The following PLAUR variants were observed in gnomAD, a reference collection of about 807,000 sequenced individuals.
PLAUR encodes urokinase plasminogen activator surface receptor.
PLAUR carries 22 observed loss-of-function variants against 33.4 expected under a neutral mutation model. The ratio of observed to expected loss-of-function variants is 0.66; its 90% confidence interval spans 0.47 to 0.94. The LOEUF is 0.94. Among genes scored for constraint, PLAUR ranks in the 40% least tolerant of loss-of-function variants. The pLI is 0.00. For synonymous variants in PLAUR, 148 were observed against 167.3 expected (o/e 0.88, Z 0.89); for missense variants, 408 against 434.7 (o/e 0.94, Z 0.55).
Position 43,665,369 on chromosome 19 carries a change from G to T in PLAUR, c.257C>A (p.Thr86Asn), listed in dbSNP as rs763230958. ...CCCACACACAACCTCGGTAAGGCTG[G>T]TGATCTTCAAGCCAGTCCGATAGCT... Reference protein sequence around the residue: ...TLSYRTGLKITSLTEVVCGLD... With the variant: ...TLSYRTGLKINSLTEVVCGLD... The change falls in exon 3 of 7, where the codon ACC becomes AAC. Residue 86 changes from threonine (T) to asparagine (N), a missense_variant. Thr to Asn is a moderately conservative substitution (Grantham distance 65). Transcript: ENST00000340093. 5 of 1,613,976 alleles carry T rather than the reference G, an allele frequency of 3.1e-6. No individual in the cohort carries two copies. In the South Asian group the frequency reaches 5.5e-5, roughly 18 times the overall value.
intron 3 of PLAUR, among the ~76,000 whole-genome samples, chr19:43,664,660 C>A (rs995340333): frequency 2.6e-5 from 4 of 152,138 alleles, no homozygotes; most frequent in Non-Finnish European, 5.9e-5. Context: ...AGTCAGAGAC[C>A]ATCTATTGCA....
intron 3 of PLAUR, among the ~76,000 whole-genome samples, chr19:43,664,592 G>A (rs914840624): frequency 1.3e-5 from 2 of 152,242 alleles, no homozygotes; most frequent in African/African-American, 4.8e-5. Context: ...TTACAGGCAT[G>A]AGCCACCACA....
At chr19:43,659,155 T>C (rs4251943) in intron 3 of PLAUR, among the ~76,000 whole-genome samples, 131 of 33,920 alleles carry the variant, frequency 3.9e-3, no homozygotes, top group Admixed American at 1.0e-2. Flanking sequence ...ATTTTCCTTT[T>C]TCTTTTCTTT....
chr19:43,654,872 G>T (rs994180705), intron 5 of PLAUR, among the ~76,000 whole-genome samples: 1 of 152,164 alleles, frequency 6.6e-6, no homozygotes, highest in African/African-American at 2.4e-5. Flanking sequence ...CCAGGTGGTG[G>T]CAGTGGAGCA....
At chr19:43,667,990 C>T (rs1214254295) in intron 1 of PLAUR, 22 of 1,227,350 alleles carry the variant, frequency 1.8e-5, no homozygotes, top group Non-Finnish European at 2.3e-5. Context: ...ACAGTCGTAT[C>T]CCCGCCCTCT....
In PLAUR at chr19:43,648,634, A is replaced by C. The variant is rs1973865643; in HGVS notation, c.*256T>G. Reference sequence around the variant, plus strand: ...AAAATAAATAATATGAATATTAATTAATAACAACAACACAACAGCGGCAAC... The same window carrying C: ...AAAATAAATAATATGAATATTAATTCATAACAACAACACAACAGCGGCAAC... On this transcript the variant is annotated 3_prime_UTR_variant, in exon 7 of 7. Coordinates refer to ENST00000340093, the MANE Select transcript of PLAUR (RefSeq NM_002659.4). 1.2e-6 allele frequency: 1 copy of C among 815,914 alleles called. No individual in the cohort carries two copies. Among genetic ancestry groups the C allele is most frequent in the Non-Finnish European group, 1.6e-6 (1 of 610,214 alleles). 50.5% of individuals were successfully genotyped at this position (815,914 alleles called of 1,614,324 possible). A position where few individuals can be genotyped will look rare whatever the true frequency, so the allele number is the denominator to read the frequency against.
intron 6 of PLAUR, among the ~76,000 whole-genome samples, chr19:43,649,631 GAA>G (rs1406470983): frequency 6.8e-6 from 1 of 146,148 alleles, no homozygotes; most frequent in Admixed American, 7.1e-5. Context: ...AGAAAAGAAA[GAA>G]AGAGAGAGAG....
intron 6 of PLAUR, among the ~76,000 whole-genome samples, chr19:43,649,550 TAAAA>T (rs1036123175): frequency 1.7e-4 from 5 of 29,286 alleles, no homozygotes; most frequent in African/African-American, 3.0e-4. Flanking sequence ...AAAAAACAAA[TAAAA>T]AGAAAGAAAG....
At chr19:43,664,875 G>A (rs796131483) in intron 3 of PLAUR, among the ~76,000 whole-genome samples, 1 of 152,172 alleles carries the variant, frequency 6.6e-6, no homozygotes, top group Non-Finnish European at 1.5e-5. Flanking sequence ...TCATGCATGC[G>A]TGTGAGCTTG....
downstream of PLAUR, among the ~76,000 whole-genome samples, chr19:43,647,808 A>AAAAAG (rs4251935): frequency 0.014 from 2,167 of 152,066 alleles, 46 homozygotes; most frequent in African/African-American, 0.048. Flanking sequence ...TCCATCTCAA[A>AAAAAG]AAAAGAAAAG....
In PLAUR at chr19:43,655,578, G is replaced by A. The variant is rs1352823148; in HGVS notation, c.473-5C>T. ...GGCGGTCATCCTTTGGACGCCCTAT[G>A]GGGGCCAGGGGACAGAGGTCAGATG... On this transcript the variant is annotated splice_polypyrimidine_tract_variant and splice_region_variant and intron_variant, in intron 4 of 6. Transcript: ENST00000340093. 6.2e-6 allele frequency: 10 copies of A among 1,612,982 alleles called. No homozygotes were observed. Among genetic ancestry groups the A allele is most frequent in the Non-Finnish European group, 7.6e-6 (9 of 1,179,498 alleles).
At chr19:43,652,479 G>C in intron 5 of PLAUR, 108 bp from the exon 6 acceptor site, 2 of 1,095,236 alleles carry the variant, frequency 1.8e-6, no homozygotes, top group Non-Finnish European at 2.7e-6. Flanking sequence ...ATGTCATGGA[G>C]CCACCTTGTG....
chr19:43,661,510 C>T (rs1395309401), intron 3 of PLAUR: 1 of 152,080 alleles, frequency 6.6e-6, no homozygotes, highest in Non-Finnish European at 1.5e-5. Flanking sequence ...AATTCTTGTG[C>T]CTCAGCCACC....
chr19:43,648,336 C>T (rs893075560), downstream of PLAUR, among the ~76,000 whole-genome samples: 11 of 152,076 alleles, frequency 7.2e-5, no homozygotes, highest in African/African-American at 1.9e-4. Context: ...CCACCACGTC[C>T]GGATTTAGCC....
At chr19:43,665,676 AT>A (rs1014531944) in intron 2 of PLAUR, among the ~76,000 whole-genome samples, 1 of 142,898 alleles carries the variant, frequency 7.0e-6, no homozygotes, top group African/African-American at 2.7e-5. Flanking sequence ...TAATTAATTA[AT>A]TTTTTTTTCC....
chr19:43,667,517 G>C (rs1363757518), intron 2 of PLAUR, 64 bp downstream of exon 2: 23 of 1,121,486 alleles, frequency 2.1e-5, no homozygotes, highest in Middle Eastern at 2.4e-4. Context: ...TGGTGAGGAA[G>C]GTTTCTCAAT....
Position 43,655,417 on chromosome 19 carries a change from G to T in PLAUR, c.607+22C>A, listed in dbSNP as rs370059962. On this transcript the variant is annotated intron_variant, in intron 5 of 6. Coordinates refer to ENST00000340093, the MANE Select transcript of PLAUR (RefSeq NM_002659.4). ...ATGCCCCTGCCCGACCCCAGGCCTT[G>T]CCTGTGTCTCCCGTTCCTTACTTGG... is the stretch of plus-strand genomic sequence containing the variant. 4.0e-5 allele frequency: 64 copies of T among 1,612,992 alleles called. No individual in the cohort carries two copies. The African/African-American group carries it at 8.4e-4, about 21-fold the overall frequency.
chr19:43,655,276 C>CA (rs34689348), intron 5 of PLAUR, among the ~76,000 whole-genome samples, 163 bp downstream of exon 5: 25,194 of 63,130 alleles, frequency 0.4, 4,325 homozygotes, highest in East Asian at 0.56. Flanking sequence ...GACTCCGTCT[C>CA]AAAAAAAAAA....
downstream of PLAUR, chr19:43,646,596 A>C (rs755427817): frequency 1.4e-6 from 1 of 712,456 alleles, no homozygotes; most frequent in South Asian, 1.5e-5. Flanking sequence ...ACTTGGTTCC[A>C]GAACATAGCA....
Sources: allele counts gnomAD v4.1 joint callset (sites outside exome capture counted in the v4.1 genomes callset), GRCh38; gene constraint gnomAD v4.1.1; transcripts MANE v1.5; gene names NCBI Gene and HGNC (gene_info 2026-07-23, HGNC 2026-07-21).